The following PDE1A variants were observed in gnomAD, a reference collection of about 807,000 sequenced individuals.
The protein encoded by PDE1A is phosphodiesterase 1A.
Under a neutral mutation model 61.7 loss-of-function variants are expected in PDE1A, and 35 were observed. That is an observed-to-expected ratio of 0.57 (90% CI 0.43 to 0.75). PDE1A has a LOEUF of 0.75. Among genes scored for constraint, PDE1A ranks in the 30% least tolerant of loss-of-function variants. The probability of loss-of-function intolerance (pLI) is 0.00; values close to 1 mark genes in which losing one functional copy is unlikely to be tolerated. For missense variants in PDE1A, 597 were observed against 630.6 expected, an observed-to-expected ratio of 0.95 and a Z score of 0.57; for synonymous variants, 232 against 213.2, an observed-to-expected ratio of 1.09 and a Z score of -0.77.
chr2:182,558,404 C>A, the PDE1A span, among the ~76,000 whole-genome samples: 1 of 152,006 alleles, frequency 6.6e-6, no homozygotes, highest in Non-Finnish European at 1.5e-5. Flanking sequence ...TTAATGGCTA[C>A]TCCATATCTC....
chr2:182,431,691 T>C (rs559429896), upstream of PDE1A, among the ~76,000 whole-genome samples: 36 of 152,234 alleles, frequency 2.4e-4, no homozygotes, highest in African/African-American at 7.9e-4. Flanking sequence ...AGATACATGA[T>C]AGAGCTGGGA....
chr2:182,671,439 C>T, the PDE1A span, among the ~76,000 whole-genome samples: 1 of 147,370 alleles, frequency 6.8e-6, no homozygotes, highest in Non-Finnish European at 1.5e-5. Flanking sequence ...CCACCGGTCT[C>T]AACCTCCCAA....
At chr2:182,520,433 C>A (rs978245452) in intron 2 of PDE1A, among the ~76,000 whole-genome samples, 1 of 151,790 alleles carries the variant, frequency 6.6e-6, no homozygotes, top group African/African-American at 2.4e-5. Context: ...TATTTAGTGG[C>A]TCTAAATAAA....
the PDE1A span, among the ~76,000 whole-genome samples, chr2:182,529,613 G>A: frequency 2.4e-4 from 36 of 152,244 alleles, no homozygotes; most frequent in Admixed American, 5.9e-4. Flanking sequence ...GGCCAGGAGC[G>A]GAATGATATG....
chr2:182,700,925 G>A, the PDE1A span, among the ~76,000 whole-genome samples: 3,378 of 151,556 alleles, frequency 0.022, 70 homozygotes, highest in East Asian at 0.084. Context: ...ACACACACAC[G>A]CAAAAAAAGT....
chr2:182,361,566 T>C (rs989758783), intron 1 of PDE1A, among the ~76,000 whole-genome samples: 1 of 152,056 alleles, frequency 6.6e-6, no homozygotes, highest in Non-Finnish European at 1.5e-5. Flanking sequence ...TTCCTTTAAT[T>C]TCTACACACA....
chr2:182,206,365 G>A (rs1687102379), intron 7 of PDE1A, among the ~76,000 whole-genome samples: 1 of 151,990 alleles, frequency 6.6e-6, no homozygotes, highest in Non-Finnish European at 1.5e-5. Context: ...CAACAAGAGT[G>A]GTATTTTTGT....
At chr2:182,386,137 T>C (rs1248190065) in intron 1 of PDE1A, among the ~76,000 whole-genome samples, 1 of 152,212 alleles carries the variant, frequency 6.6e-6, no homozygotes, top group Non-Finnish European at 1.5e-5. Flanking sequence ...GGAGTCTCGT[T>C]CACTCAGTGC....
At chr2:182,441,142 C>T (rs1484551434) in intron 2 of PDE1A, among the ~76,000 whole-genome samples, 2 of 151,912 alleles carry the variant, frequency 1.3e-5, no homozygotes, top group South Asian at 2.1e-4. Flanking sequence ...AGGAGAACTC[C>T]CATTTATAAA....
the PDE1A span, among the ~76,000 whole-genome samples, chr2:182,706,423 G>A: frequency 1.1e-4 from 17 of 152,018 alleles, no homozygotes; most frequent in African/African-American, 4.1e-4. Context: ...AAATGCCCCT[G>A]GAAAGAGCAT....
the PDE1A span, among the ~76,000 whole-genome samples, chr2:182,547,283 C>T: frequency 6.6e-6 from 1 of 152,082 alleles, no homozygotes; most frequent in Admixed American, 6.6e-5. Context: ...GATCTAGCAC[C>T]CTTTTGCTGT....
chr2:182,146,350 T>A (rs1053771591), downstream of PDE1A, among the ~76,000 whole-genome samples: 1 of 152,236 alleles, frequency 6.6e-6, no homozygotes, highest in African/African-American at 2.4e-5. Context: ...ATGTACTTGC[T>A]TTGTTTTAAT....
the PDE1A span, among the ~76,000 whole-genome samples, chr2:182,671,908 C>T: frequency 2.0e-5 from 3 of 152,030 alleles, no homozygotes; most frequent in Non-Finnish European, 2.9e-5. Flanking sequence ...CTTGAGCCAC[C>T]GTGCCCGGCC....
chr2:182,520,042 T>C (rs546450442), intron 2 of PDE1A, among the ~76,000 whole-genome samples: 1 of 152,038 alleles, frequency 6.6e-6, no homozygotes, highest in African/African-American at 2.4e-5. Context: ...ATGATTTTAA[T>C]TGCCAAAACT....
chr2:182,249,350 C>T (rs776383952), intron 2 of PDE1A, among the ~76,000 whole-genome samples: 19 of 152,158 alleles, frequency 1.2e-4, no homozygotes, highest in Non-Finnish European at 2.2e-4. Flanking sequence ...AAGGAACATA[C>T]TGGGAAGAGC....
At chr2:182,523,008 A>C (rs1259612739), upstream of PDE1A, 8 of 152,224 alleles carry the variant, frequency 5.3e-5, no homozygotes, top group African/African-American at 1.9e-4. Context: ...AACAAAGAGA[A>C]AATAACATCT....
chr2:182,498,956 A>T (rs144666326), intron 2 of PDE1A, among the ~76,000 whole-genome samples: 1,605 of 151,810 alleles, frequency 0.011, 18 homozygotes, highest in Middle Eastern at 0.027. Flanking sequence ...ATAAAAAAAT[A>T]AAAAAATGAC....
intron 10 of PDE1A, among the ~76,000 whole-genome samples, chr2:182,192,944 C>T (rs61138620): frequency 0.23 from 35,187 of 151,880 alleles, 4,384 homozygotes; most frequent in East Asian, 0.31. Flanking sequence ...TTGTTTTTTG[C>T]ATTTCTCTGA....
At chr2:182,164,066 T>A (rs1691523638), downstream of PDE1A, among the ~76,000 whole-genome samples, 1 of 151,926 alleles carries the variant, frequency 6.6e-6, no homozygotes, top group African/African-American at 2.4e-5. Flanking sequence ...GGCCAGCAAA[T>A]TACCATGTGA....
Sources: gnomAD v4.1 joint callset for allele counts (sites outside exome capture counted in the v4.1 genomes callset) on GRCh38, gnomAD v4.1.1 for gene constraint, MANE v1.5 for transcripts, NCBI Gene and HGNC (gene_info 2026-07-23, HGNC 2026-07-21) for gene names.